EARS2: variants seen among roughly 807,000 people sequenced by gnomAD.
EARS2 encodes the protein glutamyl-tRNA synthetase 2, mitochondrial.
EARS2 carries 50 observed loss-of-function variants against 54.1 expected under a neutral mutation model. The ratio of observed to expected loss-of-function variants is 0.92; its 90% CI spans 0.74 to 1.17. The LOEUF is 1.17. EARS2 is among the 50% of genes most tolerant of loss of function. The pLI is 0.00. For synonymous variants in EARS2, 298 were observed against 281.0 expected (o/e 1.06, Z -0.61); for missense variants, 673 against 675.0 (o/e 1.00, Z 0.03).
chr16:23,549,553 C>T (rs1367276480), intron 2 of EARS2, among the ~76,000 whole-genome samples: 1 of 152,176 alleles, frequency 6.6e-6, no homozygotes, highest in Non-Finnish European at 1.5e-5. Context: ...ACCTCAACTT[C>T]CCCAGGCTCA....
chr16:23,535,465 G>T, intron 3 of EARS2, 105 bp from the exon 4 acceptor site: 1 of 1,005,602 alleles, frequency 9.9e-7, no homozygotes, highest in Non-Finnish European at 1.5e-6. Flanking sequence ...AGTTACTGCT[G>T]CAAGCTGCTT....
Position 23,557,191 on chromosome 16 carries a change from T to C in EARS2, c.139+14A>G. On this transcript the variant is annotated intron_variant, in intron 1 of 8. Coordinates refer to ENST00000449606, the MANE Select transcript of EARS2 (RefSeq NM_001083614.2). Reference sequence around the variant, plus strand: ...GGGGGCCTCGGCCTGTAGCGTCACGTCCGCCAGGGTTACCTGTGGGGCTGG... The same window carrying C: ...GGGGGCCTCGGCCTGTAGCGTCACGCCCGCCAGGGTTACCTGTGGGGCTGG... 6.6e-7 allele frequency: 1 copy of C among 1,506,410 alleles called. No homozygotes were observed. The highest frequency in any genetic ancestry group is 8.8e-7 in the Non-Finnish European group (1 of 1,136,854). The allele number at this position is 1,506,410 out of a possible 1,614,324, so 93.3% of individuals were successfully genotyped here.
At chr16:23,550,435 C>CTTTT (rs34422725) in intron 2 of EARS2, among the ~76,000 whole-genome samples, 28 of 100,624 alleles carry the variant, frequency 2.8e-4, no homozygotes, top group East Asian at 9.7e-4. Flanking sequence ...AGCACATGGT[C>CTTTT]TTTTTTTTTT....
intron 3 of EARS2, among the ~76,000 whole-genome samples, chr16:23,542,616 T>A (rs1965535001): frequency 6.6e-6 from 1 of 151,960 alleles, no homozygotes; most frequent in African/African-American, 2.4e-5. Context: ...GTCCGGCCTG[T>A]GGACCTTGCT....
At chr16:23,533,925 G>A (rs113135504) in intron 4 of EARS2, among the ~76,000 whole-genome samples, 2 of 152,024 alleles carry the variant, frequency 1.3e-5, no homozygotes, top group Non-Finnish European at 2.9e-5. Context: ...GCGTGGTGGC[G>A]GGTGCCTGTA....
At position 23,535,118 on chromosome 16, in the gene EARS2, T is replaced by C; in HGVS notation, c.728A>G (p.His243Arg). Residue 243 changes from histidine to arginine, a missense_variant, in exon 4 of 9, where the codon CAC becomes CGC. By Grantham distance (29) the His-to-Arg change is conservative. Coordinates refer to ENST00000449606, the MANE Select transcript of EARS2 (RefSeq NM_001083614.2). ...GAGCCACTCAGAGCCTCGCAGCACG[T>C]GGCTGATGCCCATGTGGTGGTCGTC... is the stretch of plus-strand genomic sequence containing the variant. ...VVDDHHMGIS[H>R]VLRGSEWLVS... 6.2e-7 allele frequency: 1 copy of C among 1,612,086 alleles called. No individual in the cohort carries two copies. Among genetic ancestry groups the C allele is most frequent in the Non-Finnish European group, 8.5e-7 (1 of 1,179,400 alleles).
intron 4 of EARS2, 141 bp from the exon 5 acceptor site, chr16:23,532,906 A>G: frequency 1.9e-6 from 1 of 539,040 alleles, no homozygotes; most frequent in East Asian, 3.0e-5. Context: ...CTGTAACCTC[A>G]AACTCCCAGG....
chr16:23,526,237 TGA>T, intron 7 of EARS2, among the ~76,000 whole-genome samples: 1 of 150,870 alleles, frequency 6.6e-6, no homozygotes, highest in Non-Finnish European at 1.5e-5. Flanking sequence ...CTTAGCCTCC[TGA>T]GTAGCTGGGA....
chr16:23,541,083 T>C (rs1857412783), intron 3 of EARS2, among the ~76,000 whole-genome samples: 1 of 152,076 alleles, frequency 6.6e-6, no homozygotes, highest in South Asian at 2.1e-4. Context: ...GGGAGGCCAC[T>C]TGAGGATCAC....
chr16:23,543,278 T>G (rs62031500), intron 3 of EARS2, among the ~76,000 whole-genome samples: 1 of 150,744 alleles, frequency 6.6e-6, no homozygotes. Flanking sequence ...AAAAAAAAAT[T>G]AGCCAGGAGT....
At chr16:23,524,545 C>T (rs1965192402) in intron 8 of EARS2, 91 bp from the exon 9 acceptor site, 1 of 1,106,052 alleles carries the variant, frequency 9.0e-7, no homozygotes, top group African/African-American at 1.5e-5. Flanking sequence ...TATTCCCAGG[C>T]CAGCCCCCAC....
At position 23,523,404 on chromosome 16, in the gene EARS2, C is replaced by T. The variant is rs1332207111; in HGVS notation, c.*967G>A. 1 of 152,180 alleles carries T rather than the reference C, an allele frequency of 6.6e-6. No individual in the cohort carries two copies. Among genetic ancestry groups the T allele is most frequent in the Non-Finnish European group, 1.5e-5 (1 of 68,054 alleles). 9.4% of individuals were successfully genotyped at this position (152,180 alleles called of 1,614,324 possible). A position where few individuals can be genotyped will look rare whatever the true frequency, so the allele number is the denominator to read the frequency against. ...AGGGTGAAGGTCTCCAGTCCAAGGA[C>T]CAGGTCTGGAAGACTGGAAAAACGG... On this transcript the variant is annotated 3_prime_UTR_variant, in exon 9 of 9. Coordinates refer to ENST00000449606, the MANE Select transcript of EARS2 (RefSeq NM_001083614.2).
chr16:23,534,972 C>T lies in EARS2; in HGVS notation c.874G>A (p.Val292Ile), dbSNP rs199575087. 2.0e-4 allele frequency: 318 copies of T among 1,611,634 alleles called. 3 individuals carry two copies. Among genetic ancestry groups the T allele is most frequent in the Middle Eastern group, 3.4e-4 (2 of 5,820 alleles). ...GSKLSKRQGDVFLEHFAADGF... is the reference protein window; with the variant it reads ...GSKLSKRQGDIFLEHFAADGF... The stretch of plus-strand genomic sequence containing the variant: ...TCAGCAGCAAAGTGCTCCAGGAAAA[C>T]GTCCCCTTGCCTCTTGGAGAGCTTG... The change falls in exon 4 of 9, where the codon GTT (valine) becomes ATT (isoleucine). Residue 292 changes from valine to isoleucine, a missense_variant. Coordinates refer to ENST00000449606, the MANE Select transcript of EARS2 (RefSeq NM_001083614.2).
At chr16:23,544,427 A>T in intron 3 of EARS2, 87 bp downstream of exon 3, 1 of 1,323,594 alleles carries the variant, frequency 7.6e-7, no homozygotes, top group East Asian at 2.4e-5. Flanking sequence ...GAGAGGTAAT[A>T]CATGTTTAGG....
At chr16:23,556,401 C>A (rs1430924070) in intron 1 of EARS2, among the ~76,000 whole-genome samples, 3 of 152,208 alleles carry the variant, frequency 2.0e-5, no homozygotes, top group Admixed American at 6.5e-5. Context: ...GTTGCCCAGG[C>A]TGGAGTGCAA....
intron 2 of EARS2, among the ~76,000 whole-genome samples, chr16:23,547,317 G>A (rs561782672): frequency 6.6e-6 from 1 of 152,272 alleles, no homozygotes; most frequent in South Asian, 2.1e-4. Context: ...GAGGCAGAAA[G>A]AGATCAGTAG....
In EARS2 at chr16:23,544,673, C is replaced by T; in HGVS notation, c.326G>A (p.Gly109Asp). ...GIPPDESPRRGGPAGPYQQSQ... is the reference protein window; with the variant it reads ...GIPPDESPRRDGPAGPYQQSQ... ...TTGCTGGTAGGGCCCAGCAGGACCGCCCCGGCGGGGGCTCTCATCAGGCGG... is the reference window on the plus strand; with the variant it reads ...TTGCTGGTAGGGCCCAGCAGGACCGTCCCGGCGGGGGCTCTCATCAGGCGG... Residue 109 changes from glycine (G) to aspartate (D), a missense_variant, in exon 3 of 9, where the codon GGC becomes GAC. By Grantham distance (94) the Gly-to-Asp change is moderately conservative. Transcript: ENST00000449606. The T allele has an allele frequency of 6.2e-7, 1 of 1,607,634 alleles. No homozygotes were observed. The highest frequency in any genetic ancestry group is 8.5e-7 in the Non-Finnish European group (1 of 1,177,956).
chr16:23,541,589 TGGA>T (rs1254777721), intron 3 of EARS2, among the ~76,000 whole-genome samples: 1 of 152,176 alleles, frequency 6.6e-6, no homozygotes, highest in Non-Finnish European at 1.5e-5. Context: ...TGAATGTCTC[TGGA>T]GGAGACATAA....
In EARS2 at chr16:23,525,355, G is replaced by A. The variant is rs537511612; in HGVS notation, c.1377C>T (p.Ser459=). The A allele has an allele frequency of 6.2e-7, 1 of 1,613,800 alleles. No homozygotes were observed. Among genetic ancestry groups the A allele is most frequent in the African/African-American group, 1.3e-5 (1 of 74,982 alleles). The part of the protein sequence containing the change: ...VLGLLERSSM[S]LTQDMLNGEL... The stretch of plus-strand genomic sequence containing the variant: ...CTCCATTCAGCATATCCTGAGTTAA[G>A]CTCATACTAGATCTTTCTAGAAGCC... Residue 459 remains serine (S), a synonymous_variant, in exon 8 of 9, where the codon AGC becomes AGT. Transcript: ENST00000449606.
Sources: gnomAD v4.1 joint callset for allele counts (sites outside exome capture counted in the v4.1 genomes callset) on GRCh38, gnomAD v4.1.1 for gene constraint, MANE v1.5 for transcripts, NCBI Gene and HGNC (gene_info 2026-07-23, HGNC 2026-07-21) for gene names.